Variants in SMAD7 observed in about 807,000 individuals in gnomAD.
SMAD7 encodes the protein MAD (mothers against decapentaplegic, Drosophila) homolog 7.
SMAD7 carries 8 observed loss-of-function variants against 38.7 expected under a neutral mutation model. The observed-to-expected ratio is 0.21, with a 90% CI of 0.12 to 0.37. The LOEUF (loss-of-function observed/expected upper bound fraction) is 0.37. Among genes scored for constraint, SMAD7 ranks in the 10% least tolerant of loss-of-function variants. The pLI is 1.00. For missense variants in SMAD7, 477 were observed against 577.9 expected, an observed-to-expected ratio of 0.83 and a Z score of 1.79; for synonymous variants, 327 against 265.1, an observed-to-expected ratio of 1.23 and a Z score of -2.27.
At chr18:48,931,191 G>A (rs2069995978) in intron 3 of SMAD7, among the ~76,000 whole-genome samples, 1 of 152,184 alleles carries the variant, frequency 6.6e-6, no homozygotes, top group Admixed American at 6.5e-5. Flanking sequence ...TGTTTCATGG[G>A]AACAAAGTTT....
In SMAD7 at chr18:48,950,301, C is replaced by A; in HGVS notation, c.124G>T (p.Ala42Ser). ...GGGGELRGEG[A>S]TDSRAHGAGG... ...GCCCCATGCGCTCGGCTGTCCGTCG[C>A]CCCTTCTCCCCGCAGCTCGCCTCCT... The change falls in exon 1 of 4, where the codon GCG (alanine) becomes TCG (serine). Residue 42 changes from alanine to serine, a missense_variant. Physicochemically the swap from Ala to Ser is moderately conservative, Grantham distance 99 (BLOSUM62 1). Transcript: ENST00000262158. 1.3e-6 allele frequency: 2 copies of A among 1,532,922 alleles called. No homozygotes were observed. The highest frequency in any genetic ancestry group is 1.8e-6 in the Non-Finnish European group (2 of 1,140,704). The allele number at this position is 1,532,922 out of a possible 1,614,324, so 95.0% of individuals were successfully genotyped here. A position where few individuals can be genotyped will look rare whatever the true frequency, so the allele number is the denominator to read the frequency against.
intron 2 of SMAD7, among the ~76,000 whole-genome samples, chr18:48,946,121 T>C (rs1200117754): frequency 3.3e-5 from 5 of 151,890 alleles, no homozygotes; most frequent in Non-Finnish European, 5.9e-5. Flanking sequence ...CCCAGCCCCA[T>C]TCCCACCACC....
At chr18:48,949,369 G>A (rs2070233941) in intron 1 of SMAD7, 1 of 650,290 alleles carries the variant, frequency 1.5e-6, no homozygotes, top group African/African-American at 2.0e-5. Flanking sequence ...AGCCTTTATA[G>A]CACGCCTCTC....
rs2070246783 is a variant in SMAD7 at position 48,950,232 on chromosome 18, C to T, written c.193G>A (p.Ala65Thr). 1 of 1,505,096 alleles carries T rather than the reference C, an allele frequency of 6.6e-7. No homozygotes were observed. The highest frequency in any genetic ancestry group is 2.1e-5 in the Admixed American group (1 of 47,148). The allele number at this position is 1,505,096 out of a possible 1,614,324, so 93.2% of individuals were successfully genotyped here. ...TGGTGACCTTTGGCACCTCGCACCG[C>T]CTTGCCCAGGCAGCATCCAGCCCTG... ...PGRAGCCLGK[A>T]VRGAKGHHHP... The change falls in exon 1 of 4, where the codon GCG (alanine) becomes ACG (threonine). Residue 65 changes from alanine to threonine, a missense_variant. By Grantham distance (58) the Ala-to-Thr change is moderately conservative. Transcript: ENST00000262158.
At position 48,920,772 on chromosome 18, in the gene SMAD7, T is replaced by TGAGGGAGAG. The variant is rs2069847328; in HGVS notation, c.*591_*599dup. Reference sequence around the variant, plus strand: ...CCTGTGGACAGGCCCGTGTCCTTGATGAGGGAGAGGAGGGGCAGGGGCTTT... The same window carrying TGAGGGAGAG: ...CCTGTGGACAGGCCCGTGTCCTTGATGAGGGAGAGGAGGGAGAGGAGGGGCAGGGGCTTT... On this transcript the variant is annotated 3_prime_UTR_variant, in exon 4 of 4. Coordinates refer to ENST00000262158, the MANE Select transcript of SMAD7 (RefSeq NM_005904.4). 1 of 152,574 alleles carries TGAGGGAGAG rather than the reference T, an allele frequency of 6.6e-6. No individual in the cohort carries two copies. Among genetic ancestry groups the TGAGGGAGAG allele is most frequent in the African/African-American group, 2.4e-5 (1 of 41,428 alleles). 9.5% of individuals were successfully genotyped at this position (152,574 alleles called of 1,614,324 possible).
At chr18:48,945,787 C>G (rs1352198825) in intron 2 of SMAD7, among the ~76,000 whole-genome samples, 1 of 152,150 alleles carries the variant, frequency 6.6e-6, no homozygotes, top group Non-Finnish European at 1.5e-5. Flanking sequence ...ACCTTTCAGA[C>G]CATCAGATAC....
intron 3 of SMAD7, among the ~76,000 whole-genome samples, chr18:48,922,386 A>C (rs2143752308): frequency 6.6e-6 from 1 of 152,254 alleles, no homozygotes; most frequent in Admixed American, 6.5e-5. Context: ...CTGCTGCTGG[A>C]GTACCAGGGG....
At chr18:48,947,133 T>C (rs1599236526) in intron 2 of SMAD7, among the ~76,000 whole-genome samples, 1 of 152,330 alleles carries the variant, frequency 6.6e-6, no homozygotes, top group South Asian at 2.1e-4. Flanking sequence ...TACAGAGAGC[T>C]GGGTATCTCC....
intron 1 of SMAD7, 153 bp from the exon 2 acceptor site, chr18:48,948,590 G>A (rs1470949915): frequency 3.8e-6 from 2 of 522,534 alleles, no homozygotes; most frequent in Non-Finnish European, 6.8e-6. Flanking sequence ...TTGATATTTA[G>A]CTGTCAGATA....
chr18:48,921,894 CAGA>C lies in SMAD7; in HGVS notation c.756_758del (p.Leu253del). 4 of 1,605,138 alleles carry C rather than the reference CAGA, an allele frequency of 2.5e-6. No individual in the cohort carries two copies. The highest frequency in any genetic ancestry group is 3.4e-6 in the Non-Finnish European group (4 of 1,177,892). On this transcript the variant is annotated inframe_deletion, in exon 4 of 4. Transcript: ENST00000262158. This position sits in a 1 kb window ranked among gnomAD's most constrained non-coding sequence, Gnocchi z 6.4. Reference sequence around the variant, plus strand: ...ACCAGTGTGACCGATCCCCAGGCTCCAGAAGAAGTTGGGAATCTAGAAAACACA... The same window carrying C: ...ACCAGTGTGACCGATCCCCAGGCTCCAGAAGTTGGGAATCTAGAAAACACA...
intron 3 of SMAD7, among the ~76,000 whole-genome samples, chr18:48,926,006 A>G (rs2069923644): frequency 6.6e-6 from 1 of 152,208 alleles, no homozygotes; most frequent in Non-Finnish European, 1.5e-5. Flanking sequence ...TCAGCCTCCC[A>G]AAGTGCTGGG....
chr18:48,950,175 C>T lies in SMAD7; in HGVS notation c.250G>A (p.Ala84Thr). The T allele has an allele frequency of 1.3e-6, 2 of 1,482,846 alleles. No individual in the cohort carries two copies. Among genetic ancestry groups the T allele is most frequent in the Non-Finnish European group, 1.8e-6 (2 of 1,123,384 alleles). 91.9% of individuals were successfully genotyped at this position (1,482,846 alleles called of 1,614,324 possible). Reference protein sequence around the residue: ...HPHPPAAGAGAAGGAEADLKA... With the variant: ...HPHPPAAGAGTAGGAEADLKA... ...AGATCCGCCTCGGCGCCCCCGGCCG[C>T]GCCGGCGCCCGCGGCTGGCGGGTGG... Residue 84 changes from alanine (A) to threonine (T), a missense_variant, in exon 1 of 4, where the codon GCG becomes ACG. Around this residue, in one of 2 missense-constraint regions of SMAD7, gnomAD observed 376 missense variants for 379.4 expected, o/e 0.99. Transcript: ENST00000262158.
chr18:48,948,288 C>G, intron 2 of SMAD7, 96 bp downstream of exon 2: 1 of 759,728 alleles, frequency 1.3e-6, no homozygotes, highest in Middle Eastern at 2.4e-4. Context: ...AAGCCCAGCA[C>G]CTCCCCAAGC....
rs1245267262 is a variant in SMAD7 at position 48,920,171 on chromosome 18, C to T, written c.*1201G>A. 6.6e-6 allele frequency: 1 copy of T among 152,326 alleles called. No homozygotes were observed. The highest frequency in any genetic ancestry group is 1.5e-5 in the Non-Finnish European group (1 of 67,996). The allele number at this position is 152,326 out of a possible 1,614,324, so 9.4% of individuals were successfully genotyped here. On this transcript the variant is annotated 3_prime_UTR_variant, in exon 4 of 4. Coordinates refer to ENST00000262158, the MANE Select transcript of SMAD7 (RefSeq NM_005904.4). ...TTTTTTTCAGGAGTCCTTTCTCTCT[C>T]AAAGCACTACAATGCTAAATTTCCA...
chr18:48,934,453 C>CAA (rs11438500), intron 3 of SMAD7, among the ~76,000 whole-genome samples: 201 of 147,488 alleles, frequency 1.4e-3, no homozygotes, highest in Middle Eastern at 3.4e-3. Flanking sequence ...TACCCCCCAT[C>CAA]AAAAAAAAAA....
At chr18:48,948,732 G>A (rs2143823298) in intron 1 of SMAD7, among the ~76,000 whole-genome samples, 1 of 152,344 alleles carries the variant, frequency 6.6e-6, no homozygotes, top group Non-Finnish European at 1.5e-5. Context: ...AGTTCACAGG[G>A]CGGGGGGCGA....
intron 2 of SMAD7, among the ~76,000 whole-genome samples, chr18:48,946,091 A>G (rs1442184378): frequency 6.6e-6 from 1 of 152,190 alleles, no homozygotes; most frequent in African/African-American, 2.4e-5. Context: ...TGTGTCTCCA[A>G]AGGCTGCAGG....
At chr18:48,948,817 C>CA (rs2070227704) in intron 1 of SMAD7, among the ~76,000 whole-genome samples, 1 of 152,268 alleles carries the variant, frequency 6.6e-6, no homozygotes, top group African/African-American at 2.4e-5. Flanking sequence ...GCCCGCCCCC[C>CA]AGGCGTGCAA....
chr18:48,936,564 T>C (rs2070069297), intron 3 of SMAD7, among the ~76,000 whole-genome samples: 1 of 152,212 alleles, frequency 6.6e-6, no homozygotes, highest in South Asian at 2.1e-4. Context: ...CAAATGTCTC[T>C]ACAAAGAAGC....
Sources: gnomAD v4.1 joint callset for allele counts (sites outside exome capture counted in the v4.1 genomes callset) on GRCh38, gnomAD v4.1.1 for gene constraint, gnomAD v4.1.1 regional missense constraint, Gnocchi (gnomAD v3.1) non-coding constraint, MANE v1.5 for transcripts, NCBI Gene and HGNC (gene_info 2026-07-23, HGNC 2026-07-21) for gene names.